The following LAMC1 variants were observed in gnomAD, a reference collection of about 807,000 sequenced individuals.
The protein encoded by LAMC1 is laminin subunit gamma-1.
A neutral mutation model predicts 173.6 loss-of-function variants in LAMC1; 38 were observed. That is an observed-to-expected ratio of 0.22 (90% CI 0.17 to 0.29). LAMC1 has a LOEUF of 0.29. Ranked by LOEUF, LAMC1 falls within the 10% of genes least tolerant of loss-of-function variation. LAMC1 has a pLI of 1.00. For synonymous variants in LAMC1, 746 were observed against 749.1 expected, an observed-to-expected ratio of 1.00 and a Z score of 0.07; for missense variants, 1,824 against 2,051.8, an observed-to-expected ratio of 0.89 and a Z score of 2.14.
At chr1:183,102,746 T>C (rs1655867248) in intron 1 of LAMC1, among the ~76,000 whole-genome samples, 1 of 152,244 alleles carries the variant, frequency 6.6e-6, no homozygotes, top group South Asian at 2.1e-4. Context: ...TGAAGGAATT[T>C]TTTTTCCTCT....
At chr1:183,108,170 G>C (rs959096602) in intron 2 of LAMC1, 106 bp from the exon 3 acceptor site, 1 of 1,041,088 alleles carries the variant, frequency 9.6e-7, no homozygotes, top group Admixed American at 2.0e-5. Context: ...TAAAGAGGGC[G>C]TAAGTTAAAT....
chr1:183,136,361 A>C, intron 24 of LAMC1, 25 bp from the exon 25 acceptor site: 3 of 1,609,504 alleles, frequency 1.9e-6, no homozygotes, highest in Non-Finnish European at 2.6e-6. Context: ...AGTTTAGCTC[A>C]AATGTGTCCT....
chr1:183,102,813 C>CT (rs1357110324), intron 1 of LAMC1, among the ~76,000 whole-genome samples: 1 of 152,158 alleles, frequency 6.6e-6, no homozygotes, highest in Non-Finnish European at 1.5e-5. Context: ...CTTCAAATGT[C>CT]TGTATCTTAA....
At chr1:183,057,207 C>A (rs1019405980) in intron 1 of LAMC1, among the ~76,000 whole-genome samples, 2 of 152,210 alleles carry the variant, frequency 1.3e-5, no homozygotes, top group Non-Finnish European at 2.9e-5. Flanking sequence ...TTGTTCTCTC[C>A]TGTACCCTCT....
At chr1:183,141,121 G>A (rs1358906093) in intron 27 of LAMC1, 3 of 152,240 alleles carry the variant, frequency 2.0e-5, no homozygotes, top group Non-Finnish European at 4.4e-5. Context: ...GACCAGCCTA[G>A]GCAACATAGC....
intron 1 of LAMC1, among the ~76,000 whole-genome samples, chr1:183,078,274 G>C (rs923489983): frequency 1.3e-5 from 2 of 152,156 alleles, no homozygotes; most frequent in African/African-American, 4.8e-5. Flanking sequence ...AGCCAAGGGA[G>C]GGAACTAAAC....
At chr1:183,043,949 T>G (rs1027054628) in intron 1 of LAMC1, among the ~76,000 whole-genome samples, 1 of 152,186 alleles carries the variant, frequency 6.6e-6, no homozygotes, top group African/African-American at 2.4e-5. Flanking sequence ...TGGCGATGTC[T>G]GTGTCCTTCT....
rs1653679577 is a variant in LAMC1, at chr1:183,026,116, A to G, written c.418+1982A>G. Among the ~76,000 whole-genome samples, 4 of 152,210 alleles carry G rather than the reference A, an allele frequency of 2.6e-5. No homozygotes were observed. The South Asian group carries it at 8.3e-4, about 32-fold the overall frequency. ...TTACTATGAAATGTTTTATGCTTGG[A>G]CTTGGTTTTGCTGAAATTTTCCTCA... is the stretch of plus-strand genomic sequence containing the variant. On this transcript the variant is annotated intron_variant, in intron 1 of 27. Coordinates refer to ENST00000258341, the MANE Select transcript of LAMC1 (RefSeq NM_002293.4).
At chr1:183,102,000 C>T (rs1428978763) in intron 1 of LAMC1, among the ~76,000 whole-genome samples, 7 of 152,152 alleles carry the variant, frequency 4.6e-5, no homozygotes, top group African/African-American at 1.7e-4. Context: ...GAATTGACCT[C>T]ACCCACTTAC....
chr1:183,072,984 A>G (rs1026283372), intron 1 of LAMC1, among the ~76,000 whole-genome samples: 2 of 152,224 alleles, frequency 1.3e-5, no homozygotes, highest in African/African-American at 2.4e-5. Flanking sequence ...TTATTTCATT[A>G]TATATTACAA....
At position 183,117,648 on chromosome 1, in the gene LAMC1, G is replaced by T. The variant is rs1013905282; in HGVS notation, c.1802G>T (p.Gly601Val). 1.2e-6 allele frequency: 2 copies of T among 1,614,184 alleles called. No homozygotes were observed. The highest frequency in any genetic ancestry group is 1.7e-6 in the Non-Finnish European group (2 of 1,180,028). The change falls in exon 10 of 28, where the codon GGC (glycine) becomes GTC (valine). Residue 601 changes from glycine (G) to valine (V), a missense_variant. Coordinates refer to ENST00000258341, the MANE Select transcript of LAMC1 (RefSeq NM_002293.4). ...SAEDLVLEGA[G>V]LRVSVPLIAQ... ...GAAGACCTTGTGCTTGAGGGAGCTG[G>T]CTTAAGAGTATCTGTACCCTTGATC...
rs776893888 is a variant in LAMC1 at position 183,125,376 on chromosome 1, ATCTC to A, written c.2648-19_2648-16del. The A allele has an allele frequency of 3.1e-5, 50 of 1,613,022 alleles. No individual in the cohort carries two copies. The highest frequency in any genetic ancestry group is 4.0e-5 in the Non-Finnish European group (47 of 1,179,118). On this transcript the variant is annotated splice_polypyrimidine_tract_variant and intron_variant, in intron 14 of 27. Transcript: ENST00000258341. ...TCTCAGGTGATTTGTGTCTTTTGCCATCTCTGTCTTCCTGCCTTAGCCTGCAATT... is the reference window on the plus strand; with the variant it reads ...TCTCAGGTGATTTGTGTCTTTTGCCATGTCTTCCTGCCTTAGCCTGCAATT...
chr1:183,144,886 G>T lies in LAMC1; in HGVS notation c.*2096G>T, dbSNP rs1657214372. The T allele has an allele frequency of 6.6e-6, 1 of 152,158 alleles. No homozygotes were observed. Among genetic ancestry groups the T allele is most frequent in the South Asian group, 2.1e-4 (1 of 4,822 alleles). 9.4% of individuals were successfully genotyped at this position (152,158 alleles called of 1,614,324 possible). On this transcript the variant is annotated 3_prime_UTR_variant, in exon 28 of 28. Coordinates refer to ENST00000258341, the MANE Select transcript of LAMC1 (RefSeq NM_002293.4). ...CCACTTCCTGTTTCCATCTGCTTGG[G>T]ATATACCAGAGTTTACCACAAGTGT...
intron 1 of LAMC1, among the ~76,000 whole-genome samples, chr1:183,044,716 G>A (rs1283722536): frequency 6.6e-6 from 1 of 152,098 alleles, no homozygotes. Flanking sequence ...AGACCTGTCT[G>A]TTCTGTTGAA....
At chr1:183,121,355 G>A (rs1238577219) in intron 11 of LAMC1, among the ~76,000 whole-genome samples, 1 of 152,156 alleles carries the variant, frequency 6.6e-6, no homozygotes, top group African/African-American at 2.4e-5. Context: ...GAACCCAGGA[G>A]GCGGAGATTG....
At chr1:183,128,870 A>G (rs1301818855) in intron 18 of LAMC1, 120 bp downstream of exon 18, 6 of 651,322 alleles carry the variant, frequency 9.2e-6, no homozygotes. Context: ...CTACTCATAG[A>G]TTATAAATCA....
At chr1:183,101,955 A>G (rs1163276370) in intron 1 of LAMC1, among the ~76,000 whole-genome samples, 1 of 152,188 alleles carries the variant, frequency 6.6e-6, no homozygotes, top group Non-Finnish European at 1.5e-5. Flanking sequence ...GCCTGGACAC[A>G]TAGCTCGCAT....
chr1:183,049,463 G>GTTTTTTTTTT (rs67306811), intron 1 of LAMC1, among the ~76,000 whole-genome samples: 1 of 143,584 alleles, frequency 7.0e-6, no homozygotes. Context: ...AGGTTTTTTT[G>GTTTTTTTTTT]TTTTTTTTTT....
At position 183,137,841 on chromosome 1, in the gene LAMC1, G is replaced by A; in HGVS notation, c.4473+14G>A. Reference sequence around the variant, plus strand: ...ATGGCAGGGATGGTAAGAGGTTTTGGTATATTTGCTCATTGGCAGAAAGTG... The same window carrying A: ...ATGGCAGGGATGGTAAGAGGTTTTGATATATTTGCTCATTGGCAGAAAGTG... On this transcript the variant is annotated intron_variant, in intron 26 of 27. Transcript: ENST00000258341. 1.8e-5 allele frequency: 28 copies of A among 1,583,262 alleles called. No individual in the cohort carries two copies. Among genetic ancestry groups the A allele is most frequent in the Non-Finnish European group, 2.2e-5 (26 of 1,166,170 alleles).
Sources: allele counts gnomAD v4.1 joint callset (sites outside exome capture counted in the v4.1 genomes callset), GRCh38; gene constraint gnomAD v4.1.1; transcripts MANE v1.5; gene names NCBI Gene and HGNC (gene_info 2026-07-23, HGNC 2026-07-21).